The following CLIP1 variants were observed in gnomAD, a reference collection of about 807,000 sequenced individuals.
CLIP1 encodes the protein CAP-Gly domain containing linker protein 1.
A neutral mutation model predicts 161.6 loss-of-function variants in CLIP1; 66 were observed. The observed-to-expected ratio is 0.41, with a 90% confidence interval of 0.33 to 0.50. The LOEUF is 0.50. CLIP1 is among the 20% of genes least tolerant of loss of function. The probability of loss-of-function intolerance (pLI) is 0.27; values close to 1 mark genes in which losing one functional copy is unlikely to be tolerated. For synonymous variants in CLIP1, 598 were observed against 626.2 expected (o/e 0.96, Z 0.67); for missense variants, 1,376 against 1,702.0 (o/e 0.81, Z 3.37).
intron 1 of CLIP1, among the ~76,000 whole-genome samples, chr12:122,414,149 T>G (rs983850479): frequency 1.3e-5 from 2 of 151,844 alleles, no homozygotes; most frequent in African/African-American, 4.8e-5. Flanking sequence ...TGTTTGTTTG[T>G]TTTTTTTGAG....
At chr12:122,405,183 A>T (rs1956282904) in intron 1 of CLIP1, among the ~76,000 whole-genome samples, 1 of 152,124 alleles carries the variant, frequency 6.6e-6, no homozygotes, top group South Asian at 2.1e-4. Context: ...TTCTTCACTG[A>T]TCTGCATCCC....
chr12:122,411,792 T>A (rs1261524414), intron 1 of CLIP1, among the ~76,000 whole-genome samples: 1 of 152,148 alleles, frequency 6.6e-6, no homozygotes, highest in East Asian at 1.9e-4. Flanking sequence ...GAGTGACTGC[T>A]AATGGATACA....
chr12:122,299,612 C>CAAAACAAAAAAAAAAAAAA (rs1950600975), intron 20 of CLIP1, among the ~76,000 whole-genome samples: 1 of 62,500 alleles, frequency 1.6e-5, no homozygotes, highest in African/African-American at 7.0e-5. Context: ...ATAAATTCAG[C>CAAAACAAAAAAAAAAAAAA]AAAAAAAAAA....
intron 5 of CLIP1, among the ~76,000 whole-genome samples, chr12:122,358,457 G>A (rs12369858): frequency 1.1e-4 from 16 of 144,424 alleles, no homozygotes; most frequent in East Asian, 6.1e-4. Flanking sequence ...AAAGAAAAAA[G>A]AAAAAAAAAA....
chr12:122,376,010 C>T (rs1954708388), intron 3 of CLIP1, among the ~76,000 whole-genome samples: 1 of 151,884 alleles, frequency 6.6e-6, no homozygotes. Flanking sequence ...GCGATCTTGG[C>T]TCACTGCAAC....
At chr12:122,324,976 T>C (rs111353963) in intron 17 of CLIP1, among the ~76,000 whole-genome samples, 4 of 152,274 alleles carry the variant, frequency 2.6e-5, no homozygotes, top group Non-Finnish European at 4.4e-5. Flanking sequence ...TAGTTTTTTT[T>C]TTTTATTTAC....
At chr12:122,356,870 C>A (rs1953405725) in intron 5 of CLIP1, among the ~76,000 whole-genome samples, 1 of 152,244 alleles carries the variant, frequency 6.6e-6, no homozygotes, top group Non-Finnish European at 1.5e-5. Context: ...CAGCTCCTAA[C>A]TGCGAGTGAT....
chr12:122,384,288 G>A (rs577623971), intron 1 of CLIP1, among the ~76,000 whole-genome samples: 1 of 152,214 alleles, frequency 6.6e-6, no homozygotes, highest in East Asian at 1.9e-4. Flanking sequence ...CATCAGTTCT[G>A]CTACTACAAG....
At chr12:122,350,603 A>G (rs1952985205) in intron 9 of CLIP1, among the ~76,000 whole-genome samples, 1 of 152,056 alleles carries the variant, frequency 6.6e-6, no homozygotes, top group Non-Finnish European at 1.5e-5. Context: ...GGCACTGGCC[A>G]GTGGCGGGGG....
intron 1 of CLIP1, among the ~76,000 whole-genome samples, chr12:122,382,088 G>A (rs769227163): frequency 3.9e-5 from 6 of 152,084 alleles, no homozygotes; most frequent in Non-Finnish European, 7.4e-5. Flanking sequence ...ATGGCCGGGC[G>A]TGGTGGCTCA....
At chr12:122,327,877 AGCAC>A (rs1951766893) in intron 17 of CLIP1, 66 bp downstream of exon 17, 1 of 1,458,296 alleles carries the variant, frequency 6.9e-7, no homozygotes, top group South Asian at 1.2e-5. Context: ...CTGCTTTCTA[AGCAC>A]CCTTCCTGCC....
rs771150248 is a variant in CLIP1 at position 122,336,738 on chromosome 12, A to G, written c.2462T>C (p.Ile821Thr). The G allele has an allele frequency of 1.3e-6, 2 of 1,579,682 alleles. No homozygotes were observed. The highest frequency in any genetic ancestry group is 1.1e-5 in the South Asian group (1 of 89,924). ...KNAESSKASS[I>T]TRELQGRELK... ...CTCTCTCCCCTGGAGCTCTCTGGTAATGCTACTAGCCTAACACACAGTGTT... is the reference window on the plus strand; with the variant it reads ...CTCTCTCCCCTGGAGCTCTCTGGTAGTGCTACTAGCCTAACACACAGTGTT... The change falls in exon 12 of 26, where the codon ATT becomes ACT. Residue 821 changes from isoleucine (I) to threonine (T), a missense_variant. This residue lies in a region of CLIP1 where 948 missense variants were observed against 1,134.8 expected (regional missense o/e 0.84). Transcript: ENST00000620786.
chr12:122,362,880 C>T (rs1235587917), intron 4 of CLIP1, among the ~76,000 whole-genome samples: 2 of 151,346 alleles, frequency 1.3e-5, no homozygotes, highest in Admixed American at 6.6e-5. Flanking sequence ...TAAAGGATTA[C>T]AGTGTTTTAA....
intron 11 of CLIP1, among the ~76,000 whole-genome samples, chr12:122,339,087 C>T (rs1033277511): frequency 2.0e-5 from 3 of 152,136 alleles, no homozygotes; most frequent in Admixed American, 6.5e-5. Context: ...AACAATTCCT[C>T]GAACCACCTT....
chr12:122,391,877 G>A (rs1955676685), intron 1 of CLIP1, among the ~76,000 whole-genome samples: 1 of 152,198 alleles, frequency 6.6e-6, no homozygotes, highest in Admixed American at 6.6e-5. Context: ...AATCACAAAT[G>A]TTAGTTGTAT....
At chr12:122,417,569 G>A (rs1347482584) in intron 1 of CLIP1, among the ~76,000 whole-genome samples, 1 of 147,532 alleles carries the variant, frequency 6.8e-6, no homozygotes, top group Non-Finnish European at 1.5e-5. Context: ...CTGGAGTGCA[G>A]TGGCGAGATC....
At chr12:122,334,539 A>C in intron 13 of CLIP1, 109 bp downstream of exon 13, 1 of 734,330 alleles carries the variant, frequency 1.4e-6, no homozygotes, top group Non-Finnish European at 2.3e-6. Flanking sequence ...CTTCCAGGAG[A>C]GTGAAATTAG....
intron 5 of CLIP1, among the ~76,000 whole-genome samples, chr12:122,356,892 G>A (rs768259553): frequency 2.5e-4 from 38 of 152,224 alleles, no homozygotes; most frequent in African/African-American, 8.4e-4. Context: ...CGCCAGCCTC[G>A]GCCTCCCGAG....
intron 1 of CLIP1, among the ~76,000 whole-genome samples, chr12:122,402,934 T>C (rs899802484): frequency 6.6e-6 from 1 of 152,224 alleles, no homozygotes; most frequent in African/African-American, 2.4e-5. Flanking sequence ...CACCTCAATT[T>C]GGACTCACCA....
Sources: gnomAD v4.1 joint callset for allele counts (sites outside exome capture counted in the v4.1 genomes callset) on GRCh38, gnomAD v4.1.1 for gene constraint, gnomAD v4.1.1 regional missense constraint, MANE v1.5 for transcripts, NCBI Gene and HGNC (gene_info 2026-07-23, HGNC 2026-07-21) for gene names.